The following SMR3A variants were observed in gnomAD, a reference collection of about 807,000 sequenced individuals.
SMR3A encodes submaxillary gland androgen-regulated protein 3A.
For synonymous variants in SMR3A, 48 were observed against 57.4 expected (o/e 0.84, Z 0.74); for missense variants, 188 against 163.0 (o/e 1.15, Z -0.84).
rs7668442 is a variant in SMR3A, at chr4:70,364,628, G to A, written c.55-2016G>A. Among the ~76,000 whole-genome samples, 431 of 152,046 alleles carry A rather than the reference G, an allele frequency of 2.8e-3. 1 individual carries two copies. The highest frequency in any genetic ancestry group is 9.6e-3 in the African/African-American group (400 of 41,528). On this transcript the variant is annotated intron_variant, in intron 2 of 2. Transcript: ENST00000226460. ...TGTGGCCAGTAAATCAGGGAAGTTCGTTTCTAATTGCCTGAAATATCTTGG... is the reference window on the plus strand; with the variant it reads ...TGTGGCCAGTAAATCAGGGAAGTTCATTTCTAATTGCCTGAAATATCTTGG...
intron 2 of SMR3A, among the ~76,000 whole-genome samples, chr4:70,363,173 C>T (rs928072596): frequency 6.6e-6 from 1 of 151,880 alleles, no homozygotes; most frequent in African/African-American, 2.4e-5. Context: ...AAGAGAAAAA[C>T]ATTTTATTCA....
chr4:70,364,485 T>A (rs908238771), intron 2 of SMR3A, among the ~76,000 whole-genome samples: 1 of 127,106 alleles, frequency 7.9e-6, no homozygotes, highest in Non-Finnish European at 1.7e-5. Context: ...GAAAATGAGC[T>A]AATTAAATGG....
intron 1 of SMR3A, 93 bp from the exon 2 acceptor site, chr4:70,362,009 C>T (rs530291805): frequency 6.4e-7 from 1 of 1,573,238 alleles, no homozygotes; most frequent in African/African-American, 1.4e-5. Context: ...AGTAGTATAT[C>T]TGTACTACAT....
intron 2 of SMR3A, among the ~76,000 whole-genome samples, chr4:70,365,310 A>C (rs1257108950): frequency 6.6e-6 from 1 of 151,854 alleles, no homozygotes; most frequent in African/African-American, 2.4e-5. Context: ...CTGCTGGCCT[A>C]AAGCTATCTA....
At chr4:70,362,271 G>T in intron 2 of SMR3A, 102 bp downstream of exon 2, 1 of 1,565,944 alleles carries the variant, frequency 6.4e-7, no homozygotes, top group Non-Finnish European at 8.7e-7. Context: ...TTATATATTA[G>T]TAACTATTAA....
At chr4:70,363,076 A>G (rs1327864431) in intron 2 of SMR3A, among the ~76,000 whole-genome samples, 1 of 151,976 alleles carries the variant, frequency 6.6e-6, no homozygotes, top group Admixed American at 6.6e-5. Flanking sequence ...TGATAAGCCA[A>G]TAAAACATAT....
intron 2 of SMR3A, among the ~76,000 whole-genome samples, chr4:70,366,302 G>A (rs1421643724): frequency 6.8e-5 from 3 of 43,906 alleles, no homozygotes; most frequent in Admixed American, 6.2e-4. Flanking sequence ...TTGGTTGTTG[G>A]ACTGAAGCCC....
chr4:70,366,706 T>C lies in SMR3A; in HGVS notation c.117T>C (p.Pro39=). The C allele has an allele frequency of 5.0e-6, 8 of 1,613,250 alleles. No individual in the cohort carries two copies. The highest frequency in any genetic ancestry group is 6.8e-6 in the Non-Finnish European group (8 of 1,179,510). ...PYPPGPLAPP[P]PPCFPFGTGF... ...CACCTGGACCACTGGCTCCTCCTCCTCCACCATGTTTTCCTTTTGGAACAG... is the reference window on the plus strand; with the variant it reads ...CACCTGGACCACTGGCTCCTCCTCCCCCACCATGTTTTCCTTTTGGAACAG... Residue 39 remains proline (P), a synonymous_variant, in exon 3 of 3, where the codon CCT becomes CCC. Coordinates refer to ENST00000226460, the MANE Select transcript of SMR3A (RefSeq NM_012390.4).
At chr4:70,363,891 AC>A (rs1483236282) in intron 2 of SMR3A, among the ~76,000 whole-genome samples, 3 of 151,976 alleles carry the variant, frequency 2.0e-5, no homozygotes, top group African/African-American at 7.2e-5. Context: ...CTTCCACATA[AC>A]CTGACTAGTC....
chr4:70,364,393 G>A (rs1732216286), intron 2 of SMR3A, among the ~76,000 whole-genome samples: 1 of 151,888 alleles, frequency 6.6e-6, no homozygotes, highest in East Asian at 1.9e-4. Context: ...GTTAGATTTA[G>A]AATTCAGGGA....
intron 2 of SMR3A, among the ~76,000 whole-genome samples, chr4:70,362,883 T>C (rs1029768240): frequency 2.0e-5 from 3 of 151,934 alleles, no homozygotes; most frequent in Non-Finnish European, 4.4e-5. Flanking sequence ...GCTGATTTTT[T>C]AGAAGACTAT....
Position 70,366,672 on chromosome 4 carries a change from G to A in SMR3A, c.83G>A (p.Gly28Glu), listed in dbSNP as rs1252610547. The A allele has an allele frequency of 1.2e-6, 2 of 1,611,884 alleles. No individual in the cohort carries two copies. The highest frequency in any genetic ancestry group is 1.7e-6 in the Non-Finnish European group (2 of 1,178,886). The change falls in exon 3 of 3, where the codon GGA (glycine) becomes GAA (glutamate). Residue 28 changes from glycine to glutamate, a missense_variant. Transcript: ENST00000226460. ...TPGESQRGPR[G>E]PYPPGPLAPP... ...GGTGAGAGTCAAAGAGGCCCCAGGG[G>A]ACCATATCCACCTGGACCACTGGCT...
In SMR3A at chr4:70,366,820, A is replaced by C. The variant is rs1269401742; in HGVS notation, c.231A>C (p.Pro77=). The change falls in exon 3 of 3, where the codon CCA becomes CCC. Residue 77 remains proline, a synonymous_variant. Coordinates refer to ENST00000226460, the MANE Select transcript of SMR3A (RefSeq NM_012390.4). ...CACCCTATGGTCCAGGGAGAATCCCACCATCCCCTCCTCCACCCTATGGTC... is the reference window on the plus strand; with the variant it reads ...CACCCTATGGTCCAGGGAGAATCCCCCCATCCCCTCCTCCACCCTATGGTC... ...LSPPYGPGRI[P]PSPPPPYGPG... 6.2e-7 allele frequency: 1 copy of C among 1,613,382 alleles called. No homozygotes were observed. Among genetic ancestry groups the C allele is most frequent in the Admixed American group, 1.7e-5 (1 of 59,926 alleles).
Position 70,366,951 on chromosome 4 carries a change from T to C in SMR3A, c.362T>C (p.Val121Ala), listed in dbSNP as rs374837458. ...CCACCTGGACCTCCATTTTTCCCTGTAAATTCTCCAACTGATCCTGCCCTC... is the reference window on the plus strand; with the variant it reads ...CCACCTGGACCTCCATTTTTCCCTGCAAATTCTCCAACTGATCCTGCCCTC... ...PYPPGPPFFPVNSPTDPALPT... is the reference protein window; with the variant it reads ...PYPPGPPFFPANSPTDPALPT... Residue 121 changes from valine (V) to alanine (A), a missense_variant, in exon 3 of 3, where the codon GTA (valine) becomes GCA (alanine). Val to Ala is a moderately conservative substitution (Grantham distance 64). Coordinates refer to ENST00000226460, the MANE Select transcript of SMR3A (RefSeq NM_012390.4). 52 of 1,613,390 alleles carry C rather than the reference T, an allele frequency of 3.2e-5. No individual in the cohort carries two copies. The highest frequency in any genetic ancestry group is 3.8e-5 in the Non-Finnish European group (45 of 1,179,716).
intron 2 of SMR3A, among the ~76,000 whole-genome samples, chr4:70,362,837 C>T (rs1330884292): frequency 6.6e-6 from 1 of 151,710 alleles, no homozygotes; most frequent in East Asian, 1.9e-4. Flanking sequence ...CCCAAAGTAC[C>T]ATAAAATCTA....
At chr4:70,366,585 C>T in intron 2 of SMR3A, 59 bp from the exon 3 acceptor site, 1 of 1,451,974 alleles carries the variant, frequency 6.9e-7, no homozygotes, top group Non-Finnish European at 9.4e-7. Flanking sequence ...AAACCATTCA[C>T]CCTTATATTT....
chr4:70,361,018 C>T (rs534523357), intron 1 of SMR3A, among the ~76,000 whole-genome samples, 176 bp downstream of exon 1: 1 of 151,944 alleles, frequency 6.6e-6, no homozygotes, highest in South Asian at 2.1e-4. Flanking sequence ...GTAAAGCATT[C>T]ATGTTGGGCA....
chr4:70,360,928 A>T (rs1481028276), intron 1 of SMR3A, 86 bp downstream of exon 1: 1 of 151,944 alleles, frequency 6.6e-6, no homozygotes, highest in African/African-American at 2.4e-5. Flanking sequence ...CACCAAAAAC[A>T]TAAGCACCTT....
At chr4:70,366,409 T>G (rs1732262023) in intron 2 of SMR3A, among the ~76,000 whole-genome samples, 1 of 152,024 alleles carries the variant, frequency 6.6e-6, no homozygotes, top group Admixed American at 6.6e-5. Flanking sequence ...ACACGGCATC[T>G]TGATTCAAAG....
Sources: gnomAD v4.1 joint callset for allele counts (sites outside exome capture counted in the v4.1 genomes callset) on GRCh38, gnomAD v4.1.1 for gene constraint, MANE v1.5 for transcripts, NCBI Gene and HGNC (gene_info 2026-07-23, HGNC 2026-07-21) for gene names.